GRIK4: variants seen among roughly 807,000 people sequenced by gnomAD.
GRIK4 encodes glutamate receptor ionotropic, kainate 4.
In GRIK4, 40 loss-of-function variants were observed where a neutral mutation model predicts 104.9. That is an observed-to-expected ratio of 0.38 (90% CI 0.30 to 0.50). GRIK4 has a LOEUF of 0.50. GRIK4 is among the 20% of genes least tolerant of loss of function. The pLI, the probability that GRIK4 is intolerant of heterozygous loss-of-function variation, is 0.93. For synonymous variants in GRIK4, 485 were observed against 524.9 expected, an observed-to-expected ratio of 0.92 and a Z score of 1.04; for missense variants, 1,047 against 1,308.1, an observed-to-expected ratio of 0.80 and a Z score of 3.08.
chr11:120,917,014 G>A (rs1049912643), intron 13 of GRIK4, among the ~76,000 whole-genome samples: 1 of 151,826 alleles, frequency 6.6e-6, no homozygotes, highest in African/African-American at 2.4e-5. Flanking sequence ...GGGAGGCCGA[G>A]GCGAGCGGAT....
chr11:120,696,534 G>C (rs1591812643), intron 3 of GRIK4, among the ~76,000 whole-genome samples: 1 of 151,660 alleles, frequency 6.6e-6, no homozygotes, highest in East Asian at 1.9e-4. Flanking sequence ...GGGGGCCCAA[G>C]GTGAGAGAGC....
At chr11:120,867,558 T>C (rs925271124) in intron 9 of GRIK4, among the ~76,000 whole-genome samples, 2 of 151,874 alleles carry the variant, frequency 1.3e-5, no homozygotes, top group Non-Finnish European at 1.5e-5. Flanking sequence ...ATTGCCTTTT[T>C]CTCCTGACTT....
At chr11:120,567,892 A>G (rs1291562040) in intron 1 of GRIK4, among the ~76,000 whole-genome samples, 2 of 152,214 alleles carry the variant, frequency 1.3e-5, no homozygotes, top group South Asian at 2.1e-4. Flanking sequence ...CATAAAATCT[A>G]CAGTAGGCCA....
chr11:120,736,920 G>A (rs77031090), intron 3 of GRIK4, among the ~76,000 whole-genome samples: 1,937 of 152,226 alleles, frequency 0.013, 36 homozygotes, highest in African/African-American at 0.043. Context: ...TGGAGAAATG[G>A]CTGATCCCAG....
intron 1 of GRIK4, among the ~76,000 whole-genome samples, chr11:120,652,354 T>A (rs1183190485): frequency 6.6e-6 from 1 of 152,170 alleles, no homozygotes; most frequent in Non-Finnish European, 1.5e-5. Flanking sequence ...GGTTCCTGAT[T>A]CCTGGGATAG....
chr11:120,817,596 C>T (rs1952994054), intron 5 of GRIK4, among the ~76,000 whole-genome samples: 1 of 152,234 alleles, frequency 6.6e-6, no homozygotes, highest in Non-Finnish European at 1.5e-5. Flanking sequence ...CTGCTCCCCT[C>T]TCCATTCTGC....
chr11:120,825,797 G>A (rs1953241887), intron 6 of GRIK4, among the ~76,000 whole-genome samples: 2 of 152,230 alleles, frequency 1.3e-5, no homozygotes. Context: ...GGATGGGAAA[G>A]TAACTGGGCC....
At position 120,654,603 on chromosome 11, in the gene GRIK4, T is replaced by C. The variant is rs191532035; in HGVS notation, c.-51+811T>C. On this transcript the variant is annotated intron_variant, in intron 2 of 20. Coordinates refer to ENST00000527524, the MANE Select transcript of GRIK4 (RefSeq NM_014619.5). ...GTCTCAAACTCCTGACCTCACGTGA[T>C]CTGCCCGCCTTGGCCTCCCAAAGTG... Among the ~76,000 whole-genome samples the C allele has an allele frequency of 3.9e-5, 6 of 152,264 alleles. No individual in the cohort carries two copies. The East Asian group carries it at 1.2e-3, about 29-fold the overall frequency.
chr11:120,711,507 C>G (rs184146108), intron 3 of GRIK4, among the ~76,000 whole-genome samples: 2 of 152,144 alleles, frequency 1.3e-5, no homozygotes, highest in African/African-American at 4.8e-5. Flanking sequence ...TCATGCTTCT[C>G]TTCAAGGGGT....
Position 120,858,773 on chromosome 11 carries a change from A to G in GRIK4, c.745-3186A>G, listed in dbSNP as rs180713791. Among the ~76,000 whole-genome samples, 4 of 152,314 alleles carry G rather than the reference A, an allele frequency of 2.6e-5. No individual in the cohort carries two copies. In the East Asian group the frequency reaches 7.7e-4, roughly 29 times the overall value. On this transcript the variant is annotated intron_variant, in intron 8 of 20. Transcript: ENST00000527524. Reference sequence around the variant, plus strand: ...AACTAACGGTGGTCAGTTATTTCCCATATTCTTTTAGACAATAGTCTTCAA... The same window carrying G: ...AACTAACGGTGGTCAGTTATTTCCCGTATTCTTTTAGACAATAGTCTTCAA...
chr11:120,628,236 C>T (rs904940483), intron 1 of GRIK4, among the ~76,000 whole-genome samples: 6 of 152,156 alleles, frequency 3.9e-5, no homozygotes, highest in African/African-American at 7.2e-5. Context: ...TCACCTGGCC[C>T]TTCATCTGAC....
chr11:120,834,263 GGT>G (rs141196181), intron 7 of GRIK4, among the ~76,000 whole-genome samples: 7,403 of 145,944 alleles, frequency 0.051, 218 homozygotes, highest in South Asian at 0.084. Context: ...ACACTTTATA[GGT>G]GTGTGTGTGT....
In GRIK4 at chr11:120,800,901, C is replaced by T. The variant is rs116143520; in HGVS notation, c.83-1792C>T. ...TGTGTTGCTTTTCTGAATTCTCAACCTCTGAAAGATAAATATTTCTTTTAA... is the reference window on the plus strand; with the variant it reads ...TGTGTTGCTTTTCTGAATTCTCAACTTCTGAAAGATAAATATTTCTTTTAA... On this transcript the variant is annotated intron_variant, in intron 3 of 20. Coordinates refer to ENST00000527524, the MANE Select transcript of GRIK4 (RefSeq NM_014619.5). Among the ~76,000 whole-genome samples the T allele has an allele frequency of 2.8e-3, 425 of 152,312 alleles. 1 individual carries two copies. The highest frequency in any genetic ancestry group is 9.8e-3 in the African/African-American group (407 of 41,556).
intron 1 of GRIK4, among the ~76,000 whole-genome samples, chr11:120,588,898 G>A (rs984333568): frequency 6.6e-6 from 1 of 152,150 alleles, no homozygotes; most frequent in African/African-American, 2.4e-5. Flanking sequence ...TCGGTATAGG[G>A]GGTAGAGCTA....
intron 1 of GRIK4, chr11:120,620,347 G>A (rs1028248000): frequency 1.5e-5 from 9 of 603,208 alleles, no homozygotes; most frequent in South Asian, 7.9e-5. Flanking sequence ...GCCCCAGCTC[G>A]AGACTCACTT....
At chr11:120,841,482 C>G (rs528587270) in intron 8 of GRIK4, among the ~76,000 whole-genome samples, 1 of 152,304 alleles carries the variant, frequency 6.6e-6, no homozygotes, top group African/African-American at 2.4e-5. Flanking sequence ...TGTGTAGACA[C>G]ACACATACCA....
chr11:120,637,513 G>A (rs1949413760), intron 1 of GRIK4, among the ~76,000 whole-genome samples: 1 of 152,196 alleles, frequency 6.6e-6, no homozygotes, highest in South Asian at 2.1e-4. Flanking sequence ...GTGCTTTACA[G>A]AGCGCCTGGA....
At chr11:120,594,716 A>G (rs185762745) in intron 1 of GRIK4, among the ~76,000 whole-genome samples, 1 of 152,266 alleles carries the variant, frequency 6.6e-6, no homozygotes, top group South Asian at 2.1e-4. Context: ...TGGTATTTTC[A>G]GGGAAGGTGT....
intron 1 of GRIK4, among the ~76,000 whole-genome samples, chr11:120,617,096 G>A (rs1302654263): frequency 6.6e-6 from 1 of 152,322 alleles, no homozygotes; most frequent in South Asian, 2.1e-4. Flanking sequence ...AGTGTTACGT[G>A]TAAGTAGTGA....
Sources: gnomAD v4.1 joint callset for allele counts (sites outside exome capture counted in the v4.1 genomes callset) on GRCh38, gnomAD v4.1.1 for gene constraint, MANE v1.5 for transcripts, NCBI Gene and HGNC (gene_info 2026-07-23, HGNC 2026-07-21) for gene names.